METAP1D: variants seen among roughly 807,000 people sequenced by gnomAD.
METAP1D encodes the protein methionyl aminopeptidase type 1D, mitochondrial, also known as methionine aminopeptidase 1D, mitochondrial.
METAP1D carries 31 observed loss-of-function variants against 40.5 expected under a neutral mutation model. That is an observed-to-expected ratio of 0.77 (90% CI 0.58 to 1.03). The LOEUF (loss-of-function observed/expected upper bound fraction) is 1.03, where lower values mean the gene tolerates loss of function less well. Among genes scored for constraint, METAP1D ranks in the 50% least tolerant of loss-of-function variants. METAP1D has a pLI of 0.00. For synonymous variants in METAP1D, 151 were observed against 146.4 expected, an observed-to-expected ratio of 1.03 and a Z score of -0.22; for missense variants, 411 against 420.7, an observed-to-expected ratio of 0.98 and a Z score of 0.20.
intron 1 of METAP1D, among the ~76,000 whole-genome samples, chr2:172,031,715 T>A (rs1159205786): frequency 6.6e-6 from 1 of 152,180 alleles, no homozygotes; most frequent in East Asian, 1.9e-4. Context: ...CTCTGATGCT[T>A]TTCACTGAGT....
At chr2:172,079,916 A>C (rs938330945) in intron 8 of METAP1D, among the ~76,000 whole-genome samples, 6 of 152,208 alleles carry the variant, frequency 3.9e-5, no homozygotes, top group Non-Finnish European at 7.3e-5. Flanking sequence ...ATACATTTTG[A>C]ATGGCGCAGT....
intron 1 of METAP1D, among the ~76,000 whole-genome samples, chr2:172,000,644 G>A (rs1688438852): frequency 6.6e-6 from 1 of 152,110 alleles, no homozygotes; most frequent in Non-Finnish European, 1.5e-5. Flanking sequence ...AAGGACGGGG[G>A]AAGAGGAAAA....
intron 5 of METAP1D, among the ~76,000 whole-genome samples, chr2:172,067,029 T>C (rs974345345): frequency 6.6e-6 from 1 of 152,244 alleles, no homozygotes; most frequent in Non-Finnish European, 1.5e-5. Flanking sequence ...GATGTAGCTT[T>C]TTCTCATTTT....
At chr2:172,011,404 C>T (rs191002146) in intron 1 of METAP1D, among the ~76,000 whole-genome samples, 1 of 151,754 alleles carries the variant, frequency 6.6e-6, no homozygotes, top group Admixed American at 6.6e-5. Context: ...CCTGCCTCAG[C>T]CTCCAGAGTA....
At chr2:172,030,800 A>G (rs923231549) in intron 1 of METAP1D, among the ~76,000 whole-genome samples, 1 of 152,200 alleles carries the variant, frequency 6.6e-6, no homozygotes, top group African/African-American at 2.4e-5. Context: ...ATTTAGTTGT[A>G]TGTGAACCAG....
intron 1 of METAP1D, among the ~76,000 whole-genome samples, chr2:172,015,134 C>G (rs1269909807): frequency 6.6e-6 from 1 of 152,188 alleles, no homozygotes; most frequent in Non-Finnish European, 1.5e-5. Flanking sequence ...AATTCCACTT[C>G]TAGAAATCTA....
chr2:172,045,846 T>TATATATAA (rs1689751389), intron 1 of METAP1D, among the ~76,000 whole-genome samples: 2 of 109,102 alleles, frequency 1.8e-5, no homozygotes, highest in Non-Finnish European at 3.8e-5. Flanking sequence ...TATATATATA[T>TATATATAA]ATATATATAT....
intron 1 of METAP1D, among the ~76,000 whole-genome samples, chr2:172,039,611 A>T (rs906470745): frequency 6.6e-6 from 1 of 151,340 alleles, no homozygotes; most frequent in African/African-American, 2.4e-5. Context: ...TTTTGGTATT[A>T]TTGTTGATGG....
At chr2:172,017,706 T>C (rs796632837) in intron 1 of METAP1D, among the ~76,000 whole-genome samples, 2 of 152,080 alleles carry the variant, frequency 1.3e-5, no homozygotes, top group Non-Finnish European at 2.9e-5. Flanking sequence ...GCAGAAAAAC[T>C]TGAGGCCCTT....
chr2:172,043,517 A>G lies in METAP1D; in HGVS notation c.41-17981A>G, dbSNP rs78692251. 7.3e-4 allele frequency among the ~76,000 whole-genome samples: 99 copies of G among 135,172 alleles called. 14 individuals carry two copies. In the East Asian group the frequency reaches 0.013, roughly 17 times the overall value. The allele number at this position is 135,172 out of a possible 152,430, so 88.7% of individuals were successfully genotyped here. On this transcript the variant is annotated intron_variant, in intron 1 of 9. Transcript: ENST00000315796. ...TTGATACATGAAAGAACATAAAAAT[A>G]TGACATTAGACTATTATACTTCAAT...
chr2:172,004,102 T>G (rs1393524831), intron 1 of METAP1D, among the ~76,000 whole-genome samples: 4 of 152,108 alleles, frequency 2.6e-5, no homozygotes, highest in African/African-American at 9.7e-5. Context: ...TAAAAAAAAC[T>G]TAGAAGTACT....
At chr2:172,018,812 T>C (rs1688940669) in intron 1 of METAP1D, among the ~76,000 whole-genome samples, 1 of 151,974 alleles carries the variant, frequency 6.6e-6, no homozygotes, top group African/African-American at 2.4e-5. Context: ...AGAATGTAGG[T>C]AAATTTCACC....
chr2:172,063,224 T>C (rs879639818), intron 2 of METAP1D, among the ~76,000 whole-genome samples: 2 of 152,238 alleles, frequency 1.3e-5, no homozygotes, highest in Admixed American at 6.5e-5. Context: ...GTATATGTAA[T>C]AGGCTTTAGG....
At chr2:172,014,598 T>A (rs1294888316) in intron 1 of METAP1D, among the ~76,000 whole-genome samples, 1 of 152,226 alleles carries the variant, frequency 6.6e-6, no homozygotes, top group Admixed American at 6.5e-5. Context: ...TTTTGATGAC[T>A]ATCTTGCCAC....
At chr2:172,047,492 G>A (rs1010462631) in intron 1 of METAP1D, among the ~76,000 whole-genome samples, 3 of 151,752 alleles carry the variant, frequency 2.0e-5, no homozygotes, top group African/African-American at 7.3e-5. Context: ...GGAATGCAGT[G>A]GTGCAATCTC....
At chr2:172,028,457 T>C (rs951948584) in intron 1 of METAP1D, among the ~76,000 whole-genome samples, 1 of 152,020 alleles carries the variant, frequency 6.6e-6, no homozygotes, top group African/African-American at 2.4e-5. Flanking sequence ...TGGATAAACA[T>C]TGAAGAGTTT....
chr2:172,079,351 A>C (rs956442464), intron 8 of METAP1D, 89 bp downstream of exon 8: 117 of 1,149,436 alleles, frequency 1.0e-4, no homozygotes, highest in Non-Finnish European at 1.4e-4. Context: ...GTGAAGGACC[A>C]ATAAAGCCAA....
intron 6 of METAP1D, among the ~76,000 whole-genome samples, chr2:172,073,036 CA>C (rs1006444284): frequency 4.6e-5 from 7 of 151,666 alleles, no homozygotes; most frequent in African/African-American, 1.7e-4. Flanking sequence ...CTTTTAGTCA[CA>C]AAAAAAACTT....
Position 172,033,002 on chromosome 2 carries a change from C to T in METAP1D, c.41-28496C>T, listed in dbSNP as rs556597392. Among the ~76,000 whole-genome samples the T allele has an allele frequency of 4.0e-5, 6 of 151,760 alleles. No individual in the cohort carries two copies. The South Asian group carries it at 6.2e-4, about 16-fold the overall frequency. ...TGAACCCGGGAGGTGGAGCTTGCAG[C>T]GAGCTGAGATCACACCACTGCACTC... On this transcript the variant is annotated intron_variant, in intron 1 of 9. Transcript: ENST00000315796.
Sources: allele counts gnomAD v4.1 joint callset (sites outside exome capture counted in the v4.1 genomes callset), GRCh38; gene constraint gnomAD v4.1.1; transcripts MANE v1.5; gene names NCBI Gene and HGNC (gene_info 2026-07-23, HGNC 2026-07-21).